VAT1L: variants seen among roughly 807,000 people sequenced by gnomAD.
The protein encoded by VAT1L is vesicle amine transport 1 like, also known as putative NADPH-dependent quinone oxidoreductase VAT1L.
VAT1L carries 34 observed loss-of-function variants against 44.1 expected under a neutral mutation model. That is an observed-to-expected ratio of 0.77 (90% CI 0.59 to 1.03). The LOEUF is 1.03. Ranked by LOEUF, VAT1L falls within the 50% of genes least tolerant of loss-of-function variation. The pLI, the probability that VAT1L is intolerant of heterozygous loss-of-function variation, is 0.00. For missense variants in VAT1L, 615 were observed against 538.8 expected (o/e 1.14, Z -1.40); for synonymous variants, 253 against 202.2 (o/e 1.25, Z -2.13).
At chr16:77,903,555 G>T (rs575363896) in intron 7 of VAT1L, among the ~76,000 whole-genome samples, 2 of 152,048 alleles carry the variant, frequency 1.3e-5, no homozygotes, top group Non-Finnish European at 2.9e-5. Context: ...TACAAAAATG[G>T]AAAAATCACA....
At chr16:77,936,893 T>TGTTG (rs2017805333) in intron 7 of VAT1L, among the ~76,000 whole-genome samples, 1 of 151,812 alleles carries the variant, frequency 6.6e-6, no homozygotes, top group African/African-American at 2.4e-5. Context: ...TTTGTTTGTT[T>TGTTG]GTTTGTTTTT....
intron 3 of VAT1L, among the ~76,000 whole-genome samples, chr16:77,835,752 A>G (rs550487982): frequency 4.6e-5 from 7 of 152,272 alleles, no homozygotes; most frequent in Admixed American, 3.3e-4. Flanking sequence ...GGATGCCTGT[A>G]ATCCCAGCTA....
chr16:77,814,914 C>A (rs1278391029), intron 1 of VAT1L, among the ~76,000 whole-genome samples: 2 of 152,188 alleles, frequency 1.3e-5, no homozygotes, highest in Non-Finnish European at 2.9e-5. Flanking sequence ...AATTTCAAGG[C>A]TAACATGTAT....
rs201254545 is a variant in VAT1L, at chr16:77,953,013, C to T, written c.1078-18837C>T. The stretch of plus-strand genomic sequence containing the variant: ...ACATTGCAGATATTTAAAACGAGGT[C>T]ATATCAGATTAGGGTGGACCCTTAA... On this transcript the variant is annotated intron_variant, in intron 7 of 8. Coordinates refer to ENST00000302536, the MANE Select transcript of VAT1L (RefSeq NM_020927.3). Among the ~76,000 whole-genome samples, 5 of 151,994 alleles carry T rather than the reference C, an allele frequency of 3.3e-5. No individual in the cohort carries two copies. The East Asian group carries it at 9.7e-4, about 29-fold the overall frequency.
At chr16:77,975,194 C>CTTTTGTTTT (rs2018323538) in intron 8 of VAT1L, among the ~76,000 whole-genome samples, 1 of 39,836 alleles carries the variant, frequency 2.5e-5, no homozygotes, top group African/African-American at 1.1e-4. Context: ...GGAATGACCA[C>CTTTTGTTTT]TTTTTTTTTT....
At chr16:77,910,083 AAT>A (rs1456743435) in intron 7 of VAT1L, among the ~76,000 whole-genome samples, 1 of 152,258 alleles carries the variant, frequency 6.6e-6, no homozygotes, top group Non-Finnish European at 1.5e-5. Flanking sequence ...TTAGAGTTGG[AAT>A]ATTATTTGCA....
chr16:77,884,565 C>T lies in VAT1L; in HGVS notation c.883-43C>T, dbSNP rs773850914. The T allele has an allele frequency of 1.3e-6, 2 of 1,583,414 alleles. No individual in the cohort carries two copies. Among genetic ancestry groups the T allele is most frequent in the Admixed American group, 3.5e-5 (2 of 57,378 alleles). On this transcript the variant is annotated intron_variant, in intron 6 of 8. Transcript: ENST00000302536. The surrounding 1 kb of genome is among the most constrained non-coding windows in gnomAD (Gnocchi z 4.5). ...CAATGCTGCCAATGTAGGCTTAACCCCGGTATTGAGTTCCTATAACCCAAT... is the reference window on the plus strand; with the variant it reads ...CAATGCTGCCAATGTAGGCTTAACCTCGGTATTGAGTTCCTATAACCCAAT...
At chr16:77,848,749 T>G (rs953422665) in intron 3 of VAT1L, among the ~76,000 whole-genome samples, 1 of 152,060 alleles carries the variant, frequency 6.6e-6, no homozygotes, top group African/African-American at 2.4e-5. Context: ...ACCTACCCAG[T>G]ATAGGGCACT....
intron 7 of VAT1L, among the ~76,000 whole-genome samples, chr16:77,924,293 C>G (rs979665947): frequency 1.3e-5 from 2 of 152,042 alleles, no homozygotes; most frequent in Non-Finnish European, 2.9e-5. Flanking sequence ...GCAGGACCAC[C>G]CCAGCATCAA....
chr16:77,973,887 G>A (rs940711352), intron 8 of VAT1L, among the ~76,000 whole-genome samples: 2 of 151,880 alleles, frequency 1.3e-5, no homozygotes, highest in African/African-American at 4.8e-5. Context: ...CACCATGCCT[G>A]GCTAATTTTT....
intron 2 of VAT1L, among the ~76,000 whole-genome samples, chr16:77,818,457 C>T (rs776433567): frequency 6.6e-6 from 1 of 152,148 alleles, no homozygotes; most frequent in East Asian, 1.9e-4. Context: ...TAACCAAAGG[C>T]ACACTATCTC....
At chr16:77,952,921 T>C (rs926104351) in intron 7 of VAT1L, among the ~76,000 whole-genome samples, 1 of 146,184 alleles carries the variant, frequency 6.8e-6, no homozygotes, top group Non-Finnish European at 1.5e-5. Flanking sequence ...CCTAAATCCA[T>C]GTTTCTCCCT....
chr16:77,804,918 G>T (rs2145219550), intron 1 of VAT1L, among the ~76,000 whole-genome samples: 1 of 152,316 alleles, frequency 6.6e-6, no homozygotes, highest in African/African-American at 2.4e-5. Flanking sequence ...ATGTAAAGTG[G>T]TAGATTATGA....
At chr16:77,836,480 T>C (rs572586671) in intron 3 of VAT1L, among the ~76,000 whole-genome samples, 1 of 152,318 alleles carries the variant, frequency 6.6e-6, no homozygotes, top group Admixed American at 6.5e-5. Context: ...GGAAGGGCTA[T>C]GGCTGGGGAC....
At chr16:77,849,091 A>G (rs1409284496) in intron 3 of VAT1L, among the ~76,000 whole-genome samples, 4 of 152,192 alleles carry the variant, frequency 2.6e-5, no homozygotes, top group Admixed American at 1.3e-4. Context: ...CCTAATGTAC[A>G]TGATGGGTTG....
intron 7 of VAT1L, among the ~76,000 whole-genome samples, chr16:77,958,940 G>C (rs1050394002): frequency 2.0e-5 from 3 of 152,082 alleles, no homozygotes; most frequent in African/African-American, 7.2e-5. Flanking sequence ...CTTTATAATA[G>C]CTGGTTGAAT....
intron 7 of VAT1L, chr16:77,892,607 C>T (rs2017279762): frequency 1.5e-6 from 1 of 670,664 alleles, no homozygotes; most frequent in Non-Finnish European, 2.8e-6. Flanking sequence ...GTTTATGTGT[C>T]AAGGTGGTGA....
intron 7 of VAT1L, among the ~76,000 whole-genome samples, chr16:77,918,598 C>T (rs781457908): frequency 1.3e-5 from 2 of 152,106 alleles, no homozygotes; most frequent in Non-Finnish European, 2.9e-5. Context: ...TGGGAGGGTG[C>T]GACCCATTTG....
Position 77,788,590 on chromosome 16 carries a change from A to G in VAT1L, c.-93A>G. ...TTGCACAGCCGAGCATCCCACATTC[A>G]ACAGGAGGAACCCGCGGGAGAGGAG... is the stretch of plus-strand genomic sequence containing the variant. On this transcript the variant is annotated 5_prime_UTR_variant, in exon 1 of 9. Transcript: ENST00000302536. 2 of 1,422,414 alleles carry G rather than the reference A, an allele frequency of 1.4e-6. No homozygotes were observed. Among genetic ancestry groups the G allele is most frequent in the East Asian group, 5.0e-5 (2 of 39,836 alleles). 88.1% of individuals were successfully genotyped at this position (1,422,414 alleles called of 1,614,324 possible).
Sources: gnomAD v4.1 joint callset for allele counts (sites outside exome capture counted in the v4.1 genomes callset) on GRCh38, gnomAD v4.1.1 for gene constraint, Gnocchi (gnomAD v3.1) non-coding constraint, MANE v1.5 for transcripts, NCBI Gene and HGNC (gene_info 2026-07-23, HGNC 2026-07-21) for gene names.